The following CDYL2 variants were observed in gnomAD, a reference collection of about 807,000 sequenced individuals.
CDYL2 encodes chromodomain Y-like protein 2.
In CDYL2, 23 loss-of-function variants were observed where a neutral mutation model predicts 49.4. That is an observed-to-expected ratio of 0.47 (90% CI 0.34 to 0.66). The LOEUF (loss-of-function observed/expected upper bound fraction) is 0.66, where lower values mean the gene tolerates loss of function less well. Ranked by LOEUF, CDYL2 falls within the 30% of genes least tolerant of loss-of-function variation. The pLI, the probability that CDYL2 is intolerant of heterozygous loss-of-function variation, is 0.01. For missense variants in CDYL2, 678 were observed against 656.4 expected (o/e 1.03, Z -0.36); for synonymous variants, 360 against 268.8 (o/e 1.34, Z -3.32).
chr16:80,713,548 G>A (rs1261320579), intron 1 of CDYL2, among the ~76,000 whole-genome samples: 1 of 152,132 alleles, frequency 6.6e-6, no homozygotes, highest in Non-Finnish European at 1.5e-5. Context: ...CTCGGTGGGG[G>A]ATGACCGGCC....
intron 1 of CDYL2, among the ~76,000 whole-genome samples, chr16:80,730,010 A>G (rs2142537657): frequency 6.6e-6 from 1 of 152,312 alleles, no homozygotes; most frequent in South Asian, 2.1e-4. Flanking sequence ...GAAAGATCCA[A>G]AACTGACACC....
intron 1 of CDYL2, among the ~76,000 whole-genome samples, chr16:80,769,520 G>C (rs1906837061): frequency 6.6e-6 from 1 of 152,182 alleles, no homozygotes. Context: ...GTGGGTTAGA[G>C]AATGGACCCT....
chr16:80,710,051 C>T (rs906344952), intron 1 of CDYL2, among the ~76,000 whole-genome samples: 2 of 152,052 alleles, frequency 1.3e-5, no homozygotes, highest in South Asian at 4.1e-4. Context: ...CTTCAGCCTC[C>T]TGAGTAGCTG....
chr16:80,619,430 TG>T (rs935856019), intron 4 of CDYL2, among the ~76,000 whole-genome samples: 2 of 152,228 alleles, frequency 1.3e-5, no homozygotes, highest in African/African-American at 4.8e-5. Flanking sequence ...CCTGGACTTC[TG>T]GAAATCCAGC....
intron 2 of CDYL2, among the ~76,000 whole-genome samples, chr16:80,648,545 C>G (rs1378091242): frequency 6.6e-6 from 1 of 152,018 alleles, no homozygotes; most frequent in South Asian, 2.1e-4. Context: ...GACCCAATGT[C>G]TTCACTGTTG....
chr16:80,781,518 A>T (rs557390347), intron 1 of CDYL2, among the ~76,000 whole-genome samples: 2 of 152,294 alleles, frequency 1.3e-5, no homozygotes, highest in African/African-American at 4.8e-5. Context: ...CTTGAAGAAC[A>T]CTGTAAACCT....
At chr16:80,622,282 C>T (rs866820851) in intron 3 of CDYL2, among the ~76,000 whole-genome samples, 12 of 152,166 alleles carry the variant, frequency 7.9e-5, no homozygotes, top group Non-Finnish European at 1.6e-4. Context: ...CTTCTTTGAA[C>T]GTCTTCCCTG....
intron 1 of CDYL2, among the ~76,000 whole-genome samples, chr16:80,757,235 A>G (rs13339148): frequency 0.033 from 4,994 of 152,298 alleles, 264 homozygotes; most frequent in African/African-American, 0.11. Context: ...ATAGCAGGCT[A>G]TAAAATAAGT....
At chr16:80,676,634 G>A (rs534320397) in intron 2 of CDYL2, among the ~76,000 whole-genome samples, 2 of 152,324 alleles carry the variant, frequency 1.3e-5, no homozygotes, top group East Asian at 3.9e-4. Context: ...TTTTGAGGAA[G>A]TATCAAGGGA....
intron 2 of CDYL2, among the ~76,000 whole-genome samples, chr16:80,656,930 C>T (rs1254379658): frequency 6.6e-6 from 1 of 152,132 alleles, no homozygotes; most frequent in Non-Finnish European, 1.5e-5. Flanking sequence ...AGCTGTCCAC[C>T]CTGAAGGCAG....
chr16:80,772,743 G>T (rs2316577), intron 1 of CDYL2, among the ~76,000 whole-genome samples: 1 of 152,080 alleles, frequency 6.6e-6, no homozygotes, highest in Admixed American at 6.6e-5. Context: ...GAGCCACCAC[G>T]CCTGGCCCAA....
At chr16:80,696,460 C>T (rs1910617255) in intron 1 of CDYL2, among the ~76,000 whole-genome samples, 1 of 151,390 alleles carries the variant, frequency 6.6e-6, no homozygotes, top group African/African-American at 2.4e-5. Context: ...ATCAACAAAC[C>T]ATTAGCTAGA....
At chr16:80,678,857 C>A (rs1163785220) in intron 2 of CDYL2, among the ~76,000 whole-genome samples, 1 of 151,116 alleles carries the variant, frequency 6.6e-6, no homozygotes, top group Non-Finnish European at 1.5e-5. Flanking sequence ...GACTTGGAAC[C>A]AGCCCAAATG....
intron 1 of CDYL2, among the ~76,000 whole-genome samples, chr16:80,779,709 A>G (rs1907202006): frequency 6.6e-6 from 1 of 152,136 alleles, no homozygotes; most frequent in Non-Finnish European, 1.5e-5. Flanking sequence ...GGAAATACTT[A>G]TATTGTTAAA....
At chr16:80,730,218 G>GA (rs1190593946) in intron 1 of CDYL2, among the ~76,000 whole-genome samples, 1 of 151,494 alleles carries the variant, frequency 6.6e-6, no homozygotes, top group Non-Finnish European at 1.5e-5. Flanking sequence ...GACTAATAAA[G>GA]AAAAAAAGAG....
intron 1 of CDYL2, among the ~76,000 whole-genome samples, chr16:80,760,525 A>G (rs959963102): frequency 6.6e-6 from 1 of 152,158 alleles, no homozygotes; most frequent in Non-Finnish European, 1.5e-5. Flanking sequence ...TGCTTGAGGG[A>G]ATGGATTCCC....
At chr16:80,800,807 C>T (rs1049725151) in intron 1 of CDYL2, among the ~76,000 whole-genome samples, 2 of 152,094 alleles carry the variant, frequency 1.3e-5, no homozygotes, top group Admixed American at 1.3e-4. Flanking sequence ...AGGTAGAAAC[C>T]CAGAGAGAGA....
chr16:80,672,529 A>AAAAGC (rs1909562882), intron 2 of CDYL2, among the ~76,000 whole-genome samples: 1 of 116,908 alleles, frequency 8.6e-6, no homozygotes, highest in African/African-American at 3.2e-5. Flanking sequence ...AAAGCAAAGG[A>AAAAGC]AAAGGAAAAG....
Position 80,604,377 on chromosome 16 carries a change from G to C in CDYL2, c.*11C>G, listed in dbSNP as rs1343188292. 1 of 1,613,848 alleles carries C rather than the reference G, an allele frequency of 6.2e-7. No individual in the cohort carries two copies. Among genetic ancestry groups the C allele is most frequent in the East Asian group, 2.2e-5 (1 of 44,872 alleles). On this transcript the variant is annotated 3_prime_UTR_variant, in exon 7 of 7. Coordinates refer to ENST00000570137, the MANE Select transcript of CDYL2 (RefSeq NM_152342.4). ...AGAGCTGGAAGTTGGGGGCCCGTGA[G>C]CTGGGGCCCCTCAGACTTCATAAAT...
Sources: gnomAD v4.1 joint callset for allele counts (sites outside exome capture counted in the v4.1 genomes callset) on GRCh38, gnomAD v4.1.1 for gene constraint, MANE v1.5 for transcripts, NCBI Gene and HGNC (gene_info 2026-07-23, HGNC 2026-07-21) for gene names.